Variants in TBL1XR1 observed in about 807,000 individuals in gnomAD.
TBL1XR1 encodes the protein TBL1X/Y related 1, also known as F-box-like/WD repeat-containing protein TBL1XR1.
In TBL1XR1, 5 loss-of-function variants were observed where a neutral mutation model predicts 66.9. That is an observed-to-expected ratio of 0.07 (90% CI 0.04 to 0.16). TBL1XR1 has a LOEUF of 0.16. Ranked by LOEUF, TBL1XR1 falls within the 10% of genes least tolerant of loss-of-function variation. TBL1XR1 has a pLI of 1.00. For missense variants in TBL1XR1, 238 were observed against 623.2 expected (o/e 0.38, Z 6.58); for synonymous variants, 210 against 206.0 (o/e 1.02, Z -0.17).
intron 12 of TBL1XR1, among the ~76,000 whole-genome samples, chr3:177,035,317 T>A (rs1446932283): frequency 6.6e-6 from 1 of 152,126 alleles, no homozygotes; most frequent in East Asian, 1.9e-4. Context: ...AGCTCATCCC[T>A]CTTGATTTGG....
chr3:177,074,411 C>G (rs966983032), intron 2 of TBL1XR1, among the ~76,000 whole-genome samples: 4 of 152,204 alleles, frequency 2.6e-5, no homozygotes, highest in African/African-American at 7.2e-5. Context: ...AACCTCTTTA[C>G]CAACAGGAAG....
At chr3:177,109,359 T>C (rs1408918000) in intron 1 of TBL1XR1, among the ~76,000 whole-genome samples, 3 of 152,086 alleles carry the variant, frequency 2.0e-5, no homozygotes, top group African/African-American at 7.2e-5. Flanking sequence ...AAGTCCCCTT[T>C]AAGAGAATAG....
chr3:177,130,107 T>C (rs1204897258), intron 1 of TBL1XR1, among the ~76,000 whole-genome samples: 2 of 134,576 alleles, frequency 1.5e-5, no homozygotes, highest in African/African-American at 5.7e-5. Flanking sequence ...ATCACGCCAC[T>C]GCACTCCAGC....
At chr3:177,137,838 G>A (rs943378745) in intron 1 of TBL1XR1, among the ~76,000 whole-genome samples, 2 of 152,028 alleles carry the variant, frequency 1.3e-5, no homozygotes, top group African/African-American at 4.8e-5. Flanking sequence ...ATGAATGGTG[G>A]TGGTACCTGT....
chr3:177,114,485 G>C (rs562586617), intron 1 of TBL1XR1, among the ~76,000 whole-genome samples: 27 of 151,930 alleles, frequency 1.8e-4, no homozygotes, highest in African/African-American at 6.5e-4. Context: ...ACTTTTTGTA[G>C]AGACGGGCCC....
At chr3:177,038,522 A>T (rs1224296258) in intron 10 of TBL1XR1, 88 bp from the exon 11 acceptor site, 2 of 1,287,686 alleles carry the variant, frequency 1.6e-6, no homozygotes, top group African/African-American at 3.0e-5. Flanking sequence ...TGACTAATAA[A>T]ATATACTAAC....
rs552548600 is a variant in TBL1XR1 at position 177,057,384 on chromosome 3, T to C, written c.59-3466A>G. ...CCTGTGTGTGACTACTAGACTGGGA[T>C]CCTGACAAAAGGGTTTAAGTCTAGT... On this transcript the variant is annotated intron_variant, in intron 3 of 15. Transcript: ENST00000457928. Among the ~76,000 whole-genome samples, 36 of 152,292 alleles carry C rather than the reference T, an allele frequency of 2.4e-4. No individual in the cohort carries two copies. The South Asian group carries it at 7.0e-3, about 30-fold the overall frequency.
At chr3:177,099,993 G>A (rs1221424052) in intron 1 of TBL1XR1, among the ~76,000 whole-genome samples, 1 of 152,180 alleles carries the variant, frequency 6.6e-6, no homozygotes, top group Non-Finnish European at 1.5e-5. Context: ...TGTAATCCCA[G>A]CACTTCGGGA....
At chr3:177,148,512 G>T (rs554570771) in intron 1 of TBL1XR1, among the ~76,000 whole-genome samples, 12 of 151,908 alleles carry the variant, frequency 7.9e-5, no homozygotes, top group Non-Finnish European at 1.2e-4. Context: ...TCAGGAGTTC[G>T]AGACCAGCCT....
At chr3:177,112,492 T>C (rs528415870) in intron 1 of TBL1XR1, among the ~76,000 whole-genome samples, 85 of 152,188 alleles carry the variant, frequency 5.6e-4, no homozygotes, top group African/African-American at 1.9e-3. Context: ...CCCCTTTGTT[T>C]TATGCATACA....
intron 1 of TBL1XR1, among the ~76,000 whole-genome samples, chr3:177,135,307 C>CTGTGTGTGTGTGTGTG (rs376418228): frequency 2.8e-5 from 2 of 72,594 alleles, no homozygotes; most frequent in African/African-American, 5.2e-5. Context: ...AGGCCGCACT[C>CTGTGTGTGTGTGTGTG]TGTGTGTGTG....
At chr3:177,057,378 C>T (rs1717937711) in intron 3 of TBL1XR1, among the ~76,000 whole-genome samples, 1 of 152,160 alleles carries the variant, frequency 6.6e-6, no homozygotes, top group African/African-American at 2.4e-5. Flanking sequence ...GACTACTAGA[C>T]TGGGATCCTG....
chr3:177,056,187 ATGTAATG>A (rs1717782027), intron 3 of TBL1XR1, among the ~76,000 whole-genome samples: 1 of 152,226 alleles, frequency 6.6e-6, no homozygotes, highest in African/African-American at 2.4e-5. Flanking sequence ...GTCTTGACTT[ATGTAATG>A]CTTATAAATT....
chr3:177,170,390 C>A (rs1177272904), intron 1 of TBL1XR1, among the ~76,000 whole-genome samples: 1 of 152,124 alleles, frequency 6.6e-6, no homozygotes, highest in Non-Finnish European at 1.5e-5. Flanking sequence ...CTTCTTCCCC[C>A]ACCCCTCCAC....
chr3:177,113,749 C>T (rs901475835), intron 1 of TBL1XR1, among the ~76,000 whole-genome samples: 5 of 152,052 alleles, frequency 3.3e-5, no homozygotes, highest in Non-Finnish European at 5.9e-5. Flanking sequence ...CAAATATCAA[C>T]GGGTTTATGA....
chr3:177,118,175 C>A (rs142547895), intron 1 of TBL1XR1, among the ~76,000 whole-genome samples: 17 of 152,276 alleles, frequency 1.1e-4, no homozygotes, highest in Admixed American at 5.2e-4. Flanking sequence ...CTATTCCATG[C>A]GAATATAGAA....
chr3:177,087,468 C>T (rs889498333), intron 2 of TBL1XR1, among the ~76,000 whole-genome samples: 1 of 152,086 alleles, frequency 6.6e-6, no homozygotes, highest in East Asian at 1.9e-4. Flanking sequence ...GTTTTAAAAA[C>T]TCTCCTTACA....
intron 1 of TBL1XR1, among the ~76,000 whole-genome samples, chr3:177,145,251 T>C (rs1454723375): frequency 3.9e-5 from 6 of 152,244 alleles, no homozygotes; most frequent in Non-Finnish European, 5.9e-5. Flanking sequence ...CCACTGTGTT[T>C]TAGTAAATAA....
chr3:177,082,899 G>A (rs1030838027), intron 2 of TBL1XR1, among the ~76,000 whole-genome samples: 1 of 150,718 alleles, frequency 6.6e-6, no homozygotes, highest in Non-Finnish European at 1.5e-5. Context: ...GGGACTACAG[G>A]CGACCACCAC....
Sources: allele counts gnomAD v4.1 joint callset (sites outside exome capture counted in the v4.1 genomes callset), GRCh38; gene constraint gnomAD v4.1.1; transcripts MANE v1.5; gene names NCBI Gene and HGNC (gene_info 2026-07-23, HGNC 2026-07-21).